Variants in ACCSL observed in about 807,000 individuals in gnomAD.
ACCSL encodes the protein probable inactive 1-aminocyclopropane-1-carboxylate synthase-like protein 2.
ACCSL carries 55 observed loss-of-function variants against 61.7 expected under a neutral mutation model. The observed-to-expected ratio is 0.89, with a 90% CI of 0.72 to 1.12. The LOEUF (loss-of-function observed/expected upper bound fraction) is 1.12. Ranked by LOEUF, ACCSL falls within the 50% of genes most tolerant of loss-of-function variation. ACCSL has a pLI of 0.00. For synonymous variants in ACCSL, 258 were observed against 264.3 expected, an observed-to-expected ratio of 0.98 and a Z score of 0.23; for missense variants, 632 against 698.0, an observed-to-expected ratio of 0.91 and a Z score of 1.07.
chr11:43,995,567 C>G, the ACCSL span: 4 of 152,406 alleles, frequency 2.6e-5, no homozygotes, highest in African/African-American at 7.2e-5. Flanking sequence ...TCCTAGGGAA[C>G]CTGGCCTGAG....
chr11:44,007,049 G>A, the ACCSL span, among the ~76,000 whole-genome samples: 2 of 152,022 alleles, frequency 1.3e-5, no homozygotes, highest in Non-Finnish European at 2.9e-5. Context: ...TACCCCCGGG[G>A]GCCAAAAATA....
chr11:43,988,663 C>T, the ACCSL span, among the ~76,000 whole-genome samples: 1 of 152,014 alleles, frequency 6.6e-6, no homozygotes, highest in South Asian at 2.1e-4. Context: ...CAGGGTCTGT[C>T]ACCTACTTAA....
At chr11:43,947,192 T>TA in the ACCSL span, 1 of 152,192 alleles carries the variant, frequency 6.6e-6, no homozygotes, top group East Asian at 1.9e-4. Context: ...CAGAGTCTTT[T>TA]AAGCAAGCAG....
rs780735939 is a variant in ACCSL, at chr11:44,056,334, G to A, written c.1327+8G>A. On this transcript the variant is annotated splice_region_variant and intron_variant, in intron 11 of 13. Coordinates refer to ENST00000378832, the MANE Select transcript of ACCSL (RefSeq NM_001031854.2). The stretch of plus-strand genomic sequence containing the variant: ...AACTGCTCCAGAACACAGGTACTGA[G>A]CTCTAGCACAGACCAGCATGTTGGC... 1.2e-6 allele frequency: 2 copies of A among 1,611,634 alleles called. No homozygotes were observed.
the ACCSL span, among the ~76,000 whole-genome samples, chr11:43,935,720 C>T: frequency 2.0e-5 from 3 of 152,134 alleles, no homozygotes; most frequent in Admixed American, 6.5e-5. Context: ...CGGAAACTCC[C>T]GGGCTCAAGT....
chr11:43,963,864 AT>A, the ACCSL span, among the ~76,000 whole-genome samples: 1 of 152,228 alleles, frequency 6.6e-6, no homozygotes, highest in Non-Finnish European at 1.5e-5. Flanking sequence ...ACACTATGAT[AT>A]ATTACATAAC....
chr11:44,025,061 T>G, the ACCSL span, among the ~76,000 whole-genome samples: 1 of 152,170 alleles, frequency 6.6e-6, no homozygotes, highest in Non-Finnish European at 1.5e-5. Flanking sequence ...ACTTTCAATC[T>G]GTTTATGTGT....
At chr11:43,934,315 C>T in the ACCSL span, among the ~76,000 whole-genome samples, 4 of 151,788 alleles carry the variant, frequency 2.6e-5, no homozygotes, top group Admixed American at 1.3e-4. Flanking sequence ...TGTGGAGGGC[C>T]CCCTGGGGGT....
the ACCSL span, among the ~76,000 whole-genome samples, chr11:43,991,032 C>T: frequency 1.3e-5 from 2 of 152,002 alleles, 1 homozygote; most frequent in South Asian, 4.2e-4. Flanking sequence ...GATCATGCCA[C>T]TGCACTCTAG....
the ACCSL span, among the ~76,000 whole-genome samples, chr11:43,947,508 G>A: frequency 6.6e-6 from 1 of 152,176 alleles, no homozygotes; most frequent in African/African-American, 2.4e-5. Flanking sequence ...ATTAGAAGAG[G>A]AGGGAAGAGT....
chr11:43,929,546 A>G, the ACCSL span, among the ~76,000 whole-genome samples: 46 of 152,228 alleles, frequency 3.0e-4, no homozygotes, highest in African/African-American at 9.9e-4. Flanking sequence ...AGCTGGGATT[A>G]CAGGCACCTG....
chr11:43,934,191 G>C, the ACCSL span, among the ~76,000 whole-genome samples: 3 of 152,096 alleles, frequency 2.0e-5, no homozygotes, highest in Non-Finnish European at 4.4e-5. Context: ...GATTGTCATG[G>C]CAACCCTCCA....
the ACCSL span, among the ~76,000 whole-genome samples, chr11:44,032,070 C>T: frequency 6.6e-6 from 1 of 152,160 alleles, no homozygotes; most frequent in African/African-American, 2.4e-5. Context: ...GACAAACTGT[C>T]CTCATACTTA....
At chr11:44,053,126 T>C in intron 7 of ACCSL, 58 bp downstream of exon 7, 2 of 1,489,012 alleles carry the variant, frequency 1.3e-6, no homozygotes, top group Non-Finnish European at 1.9e-6. Flanking sequence ...GGGGTTTGAG[T>C]ATTGAAATTC....
the ACCSL span, among the ~76,000 whole-genome samples, chr11:43,988,285 C>T: frequency 2.6e-5 from 4 of 152,176 alleles, no homozygotes; most frequent in East Asian, 3.9e-4. Flanking sequence ...CCTTACCCTT[C>T]GTGTTACCTC....
chr11:43,985,161 C>T, the ACCSL span, among the ~76,000 whole-genome samples: 1 of 152,220 alleles, frequency 6.6e-6, no homozygotes, highest in Admixed American at 6.5e-5. Context: ...TTCTCAGAGC[C>T]TCTTTTCCTG....
the ACCSL span, among the ~76,000 whole-genome samples, chr11:43,962,639 C>G: frequency 6.6e-6 from 1 of 152,182 alleles, no homozygotes; most frequent in African/African-American, 2.4e-5. Flanking sequence ...GCCTATTATT[C>G]AACATTTCTC....
At chr11:44,017,107 A>C in the ACCSL span, among the ~76,000 whole-genome samples, 1 of 152,194 alleles carries the variant, frequency 6.6e-6, no homozygotes, top group Non-Finnish European at 1.5e-5. Context: ...ACACAGGCAC[A>C]CATATGGAAG....
At chr11:43,994,501 G>A in the ACCSL span, among the ~76,000 whole-genome samples, 2 of 151,672 alleles carry the variant, frequency 1.3e-5, no homozygotes, top group Non-Finnish European at 2.9e-5. Context: ...ATTTTAGTTA[G>A]AGCATTGTGT....
Sources: allele counts gnomAD v4.1 joint callset (sites outside exome capture counted in the v4.1 genomes callset), GRCh38; gene constraint gnomAD v4.1.1; transcripts MANE v1.5; gene names NCBI Gene and HGNC (gene_info 2026-07-23, HGNC 2026-07-21).